The following SNTG1 variants were observed in gnomAD, a reference collection of about 807,000 sequenced individuals.
The protein encoded by SNTG1 is syntrophin gamma 1, also known as gamma-1-syntrophin.
In SNTG1, 39 loss-of-function variants were observed where a neutral mutation model predicts 74.7. That is an observed-to-expected ratio of 0.52 (90% CI 0.40 to 0.68). SNTG1 has a LOEUF of 0.68. Among genes scored for constraint, SNTG1 ranks in the 30% least tolerant of loss-of-function variants. SNTG1 has a pLI of 0.00. For synonymous variants in SNTG1, 254 were observed against 217.1 expected (o/e 1.17, Z -1.49); for missense variants, 685 against 609.5 (o/e 1.12, Z -1.30).
At chr8:50,626,961 C>G (rs1315029207) in intron 13 of SNTG1, among the ~76,000 whole-genome samples, 1 of 152,108 alleles carries the variant, frequency 6.6e-6, no homozygotes, top group Non-Finnish European at 1.5e-5. Flanking sequence ...AAGGTCTCAT[C>G]TTATATGTCA....
Position 50,223,233 on chromosome 8 carries a change from G to C in SNTG1, c.-28+50598G>C, listed in dbSNP as rs781124833. ...AACTGTTCTGGAATTAGATATCGAG[G>C]AAAAGTACACAACCTTGTAAATACA... On this transcript the variant is annotated intron_variant, in intron 2 of 18. Transcript: ENST00000642720. Among the ~76,000 whole-genome samples, 45 of 151,950 alleles carry C rather than the reference G, an allele frequency of 3.0e-4. 1 individual carries two copies. Among genetic ancestry groups the C allele is most frequent in the Non-Finnish European group, 1.3e-4 (9 of 67,988 alleles).
chr8:50,253,359 G>C (rs1586850906), intron 2 of SNTG1, among the ~76,000 whole-genome samples: 1 of 152,080 alleles, frequency 6.6e-6, no homozygotes, highest in Non-Finnish European at 1.5e-5. Context: ...GGAGGCAGAG[G>C]TGACTGTGAG....
chr8:50,025,020 C>T (rs927740574), intron 1 of SNTG1, among the ~76,000 whole-genome samples: 1 of 152,038 alleles, frequency 6.6e-6, no homozygotes, highest in African/African-American at 2.4e-5. Flanking sequence ...AAAACCTTAG[C>T]AAGTGAAACT....
In SNTG1 at chr8:50,779,592, G is replaced by C. The variant is rs563866093; in HGVS notation, c.1396-13079G>C. 2.2e-3 allele frequency among the ~76,000 whole-genome samples: 325 copies of C among 150,026 alleles called. 4 individuals are homozygous for C. The highest frequency in any genetic ancestry group is 4.8e-3 in the East Asian group (25 of 5,176). The stretch of plus-strand genomic sequence containing the variant: ...TTGCCGAAGTTGCTTATCAGCTTAA[G>C]GAGATTTTGGGCTGAGACAATGGGG... On this transcript the variant is annotated intron_variant, in intron 18 of 18. Coordinates refer to ENST00000642720, the MANE Select transcript of SNTG1 (RefSeq NM_018967.5).
At chr8:50,027,868 A>G (rs1160329451) in intron 1 of SNTG1, among the ~76,000 whole-genome samples, 1 of 152,148 alleles carries the variant, frequency 6.6e-6, no homozygotes, top group Non-Finnish European at 1.5e-5. Flanking sequence ...CATCCCTTAA[A>G]TGATTAATCA....
At chr8:50,570,567 A>T (rs1009237635) in intron 12 of SNTG1, among the ~76,000 whole-genome samples, 14 of 44,290 alleles carry the variant, frequency 3.2e-4, no homozygotes, top group Admixed American at 7.7e-4. Flanking sequence ...CTTATTTTTT[A>T]TTATTATTAT....
intron 17 of SNTG1, among the ~76,000 whole-genome samples, chr8:50,724,384 G>A (rs2095495040): frequency 6.6e-6 from 1 of 151,982 alleles, no homozygotes; most frequent in Admixed American, 6.6e-5. Context: ...GGTCTCCTCG[G>A]GCTAATAATA....
At chr8:50,755,219 C>T (rs1248144163) in intron 18 of SNTG1, among the ~76,000 whole-genome samples, 1 of 151,724 alleles carries the variant, frequency 6.6e-6, no homozygotes, top group East Asian at 2.0e-4. Flanking sequence ...GTATCATAGT[C>T]GTTTCACTAC....
intron 2 of SNTG1, among the ~76,000 whole-genome samples, chr8:50,256,470 T>C (rs2086888290): frequency 6.6e-6 from 1 of 151,996 alleles, no homozygotes; most frequent in Admixed American, 6.6e-5. Flanking sequence ...TATTTTTAAC[T>C]AATATGTTCT....
chr8:50,402,298 A>G lies in SNTG1; in HGVS notation c.116A>G (p.Gln39Arg), dbSNP rs1297353170. Residue 39 changes from glutamine (Q) to arginine (R), a missense_variant, in exon 4 of 19, where the codon CAG (glutamine) becomes CGG (arginine). Gln to Arg is a conservative substitution (Grantham distance 43). Transcript: ENST00000642720. ...CTAGCCAAAGACATTTTGATGATCCAGGAACAGGATGTGATATGTGTGTCT... is the reference window on the plus strand; with the variant it reads ...CTAGCCAAAGACATTTTGATGATCCGGGAACAGGATGTGATATGTGTGTCT... Reference protein sequence around the residue: ...LHLAKDILMIQEQDVICVSGE... With the variant: ...LHLAKDILMIREQDVICVSGE... 6.2e-7 allele frequency: 1 copy of G among 1,613,642 alleles called. No homozygotes were observed. Among genetic ancestry groups the G allele is most frequent in the Admixed American group, 1.7e-5 (1 of 59,884 alleles).
intron 12 of SNTG1, among the ~76,000 whole-genome samples, chr8:50,585,652 T>A (rs1397977000): frequency 2.0e-5 from 3 of 152,146 alleles, no homozygotes; most frequent in Non-Finnish European, 4.4e-5. Flanking sequence ...TTTTAAAACT[T>A]TGCTCTCTGA....
At chr8:50,501,197 C>T (rs1387383385) in intron 8 of SNTG1, among the ~76,000 whole-genome samples, 1 of 152,096 alleles carries the variant, frequency 6.6e-6, no homozygotes, top group East Asian at 1.9e-4. Context: ...ATATAGCGTG[C>T]TTTCTGTTTT....
At chr8:49,982,361 T>G (rs2130159783) in intron 1 of SNTG1, among the ~76,000 whole-genome samples, 1 of 152,234 alleles carries the variant, frequency 6.6e-6, no homozygotes, top group African/African-American at 2.4e-5. Context: ...TTTGGCATTT[T>G]GGGCCCATCT....
chr8:50,719,657 C>A (rs2095483011), intron 17 of SNTG1, among the ~76,000 whole-genome samples: 2 of 152,140 alleles, frequency 1.3e-5, no homozygotes, highest in South Asian at 4.1e-4. Context: ...GAATAACAAA[C>A]AGCATACCAT....
chr8:50,541,654 A>T (rs1304870950), intron 11 of SNTG1, among the ~76,000 whole-genome samples: 2 of 152,086 alleles, frequency 1.3e-5, no homozygotes, highest in Non-Finnish European at 2.9e-5. Context: ...TCTTTTCTTT[A>T]TGTGAGAACT....
At chr8:50,398,365 C>G (rs559904929) in intron 3 of SNTG1, among the ~76,000 whole-genome samples, 12 of 152,234 alleles carry the variant, frequency 7.9e-5, no homozygotes, top group Non-Finnish European at 1.8e-4. Context: ...CTGGACCACA[C>G]AGGCTCAGCG....
At chr8:50,385,195 G>T (rs1281450168) in intron 2 of SNTG1, among the ~76,000 whole-genome samples, 1 of 152,186 alleles carries the variant, frequency 6.6e-6, no homozygotes, top group Non-Finnish European at 1.5e-5. Flanking sequence ...GCCTGGACCT[G>T]ACGCAGAATC....
chr8:50,483,828 C>T (rs1027901064), intron 8 of SNTG1, among the ~76,000 whole-genome samples: 2 of 152,062 alleles, frequency 1.3e-5, no homozygotes, highest in Admixed American at 1.3e-4. Flanking sequence ...ATTCTTTATG[C>T]TTGAAATAAC....
At chr8:50,661,145 G>A (rs2095220903) in intron 15 of SNTG1, among the ~76,000 whole-genome samples, 1 of 152,120 alleles carries the variant, frequency 6.6e-6, no homozygotes, top group Admixed American at 6.6e-5. Context: ...TGAGAAAAAT[G>A]CAGAAAAAGC....
Sources: allele counts gnomAD v4.1 joint callset (sites outside exome capture counted in the v4.1 genomes callset), GRCh38; gene constraint gnomAD v4.1.1; transcripts MANE v1.5; gene names NCBI Gene and HGNC (gene_info 2026-07-23, HGNC 2026-07-21).